Variants in TRAPPC9 observed in about 807,000 individuals in gnomAD.
The protein encoded by TRAPPC9 is trafficking protein particle complex subunit 9, also known as IKK2 binding protein.
In TRAPPC9, 83 loss-of-function variants were observed where a neutral mutation model predicts 124.0. The ratio of observed to expected loss-of-function variants is 0.67; its 90% confidence interval spans 0.56 to 0.80. The LOEUF (loss-of-function observed/expected upper bound fraction) is 0.80. TRAPPC9 is among the 30% of genes least tolerant of loss of function. The pLI is 0.00. For missense variants in TRAPPC9, 1,302 were observed against 1,508.3 expected, an observed-to-expected ratio of 0.86 and a Z score of 2.27; for synonymous variants, 638 against 617.5, an observed-to-expected ratio of 1.03 and a Z score of -0.49.
chr8:140,180,705 G>C (rs1192819838), intron 17 of TRAPPC9, among the ~76,000 whole-genome samples: 1 of 144,520 alleles, frequency 6.9e-6, no homozygotes, highest in Admixed American at 6.9e-5. Context: ...TTTACCAAGT[G>C]AAAGATCAAA....
chr8:140,293,416 G>T (rs576938465), intron 11 of TRAPPC9, among the ~76,000 whole-genome samples: 2 of 152,080 alleles, frequency 1.3e-5, no homozygotes, highest in Admixed American at 1.3e-4. Flanking sequence ...ACATGCACAC[G>T]TATGTTTATT....
chr8:139,975,927 CTTTTTT>C (rs528679775), intron 19 of TRAPPC9, among the ~76,000 whole-genome samples: 11 of 95,566 alleles, frequency 1.2e-4, no homozygotes, highest in Admixed American at 6.6e-4. Flanking sequence ...AAAGGACAGT[CTTTTTT>C]TTTTTTTTTT....
chr8:139,916,188 G>A (rs1325905941), intron 19 of TRAPPC9, among the ~76,000 whole-genome samples: 1 of 152,144 alleles, frequency 6.6e-6, no homozygotes, highest in Non-Finnish European at 1.5e-5. Context: ...AGTCACCTTC[G>A]CTCACAATTT....
intron 19 of TRAPPC9, chr8:139,932,205 C>T (rs1833191866): frequency 2.4e-6 from 1 of 410,264 alleles, no homozygotes; most frequent in South Asian, 1.8e-5. Flanking sequence ...GCCAGGCAGG[C>T]CCCGCAGGCA....
Position 139,910,142 on chromosome 8 carries a change from G to A in TRAPPC9, c.2964+5C>T. ...CAGGCCCAGGTGGCCCCTGGAAAAG[G>A]ATATGATTCTCCAGCAGATGCCCAG... On this transcript the variant is annotated splice_donor_5th_base_variant and intron_variant, in intron 20 of 22. Transcript: ENST00000438773. 1 of 1,613,822 alleles carries A rather than the reference G, an allele frequency of 6.2e-7. No individual in the cohort carries two copies. Among genetic ancestry groups the A allele is most frequent in the Non-Finnish European group, 8.5e-7 (1 of 1,179,968 alleles).
intron 9 of TRAPPC9, among the ~76,000 whole-genome samples, chr8:140,323,298 C>T (rs1475519919): frequency 6.6e-6 from 1 of 152,154 alleles, no homozygotes; most frequent in Non-Finnish European, 1.5e-5. Context: ...TTGTAATATC[C>T]TTTACAATAA....
At chr8:140,116,633 T>C (rs1446682699) in intron 17 of TRAPPC9, among the ~76,000 whole-genome samples, 1 of 152,222 alleles carries the variant, frequency 6.6e-6, no homozygotes, top group Admixed American at 6.5e-5. Flanking sequence ...TGATTCATGA[T>C]GCTATTGTGT....
At chr8:139,876,679 G>GATCA (rs769348882) in intron 21 of TRAPPC9, among the ~76,000 whole-genome samples, 14 of 152,084 alleles carry the variant, frequency 9.2e-5, no homozygotes, top group East Asian at 1.9e-4. Flanking sequence ...TGAATGGATG[G>GATCA]ATCAATCAAT....
chr8:140,031,056 C>T (rs2131965633), intron 17 of TRAPPC9, among the ~76,000 whole-genome samples: 1 of 152,324 alleles, frequency 6.6e-6, no homozygotes. Context: ...CATTAATAGA[C>T]ATACAATCAC....
chr8:139,751,935 C>A (rs1048051781), intron 21 of TRAPPC9, among the ~76,000 whole-genome samples: 2 of 151,150 alleles, frequency 1.3e-5, no homozygotes, highest in Non-Finnish European at 3.0e-5. Context: ...TATCCACCAT[C>A]TACCCACCAT....
At chr8:140,365,088 T>C (rs1006323820) in intron 8 of TRAPPC9, among the ~76,000 whole-genome samples, 1 of 151,636 alleles carries the variant, frequency 6.6e-6, no homozygotes, top group South Asian at 2.1e-4. Flanking sequence ...GGGGATGCTA[T>C]GGGAAGCATA....
At chr8:140,266,679 C>A (rs10088917) in intron 15 of TRAPPC9, among the ~76,000 whole-genome samples, 94,461 of 151,420 alleles carry the variant, frequency 0.62, 29,855 homozygotes, top group East Asian at 0.75. Flanking sequence ...TAACATGGTG[C>A]AAACCCATCT....
chr8:139,934,115 G>T (rs968873062), intron 19 of TRAPPC9, among the ~76,000 whole-genome samples: 9 of 152,102 alleles, frequency 5.9e-5, no homozygotes, highest in Non-Finnish European at 1.2e-4. Context: ...TGTAAAACAG[G>T]TTAAGCTATG....
chr8:139,757,803 C>T (rs1349853244), intron 21 of TRAPPC9, among the ~76,000 whole-genome samples: 1 of 152,116 alleles, frequency 6.6e-6, no homozygotes, highest in Non-Finnish European at 1.5e-5. Flanking sequence ...AGTTCTCACG[C>T]TTAGTAGGCA....
chr8:140,183,943 AGAGGAGAGGGGAGGGGAGGGAG>A (rs2062282014), intron 17 of TRAPPC9, among the ~76,000 whole-genome samples: 1 of 23,262 alleles, frequency 4.3e-5, no homozygotes, highest in Non-Finnish European at 7.9e-5. Flanking sequence ...AGAGGAGAGG[AGAGGAGAGGGGAGGGGAGGGAG>A]GAGGGAGGAG....
intron 18 of TRAPPC9, among the ~76,000 whole-genome samples, chr8:140,020,744 T>A (rs74390476): frequency 1.3e-5 from 2 of 152,260 alleles, no homozygotes; most frequent in Non-Finnish European, 2.9e-5. Flanking sequence ...TACTGAGAGA[T>A]AAATGTTGAC....
intron 21 of TRAPPC9, among the ~76,000 whole-genome samples, chr8:139,807,670 C>T (rs1824163617): frequency 6.6e-6 from 1 of 152,144 alleles, no homozygotes; most frequent in Admixed American, 6.5e-5. Flanking sequence ...CGGTACCAAG[C>T]AGGGGTTCTG....
At position 139,885,944 on chromosome 8, in the gene TRAPPC9, G is replaced by A. The variant is rs372226318; in HGVS notation, c.2990C>T (p.Ala997Val). The stretch of plus-strand genomic sequence containing the variant: ...CTGGTTCAGGAGTCCTTCCACACTC[G>A]CCTCGCCACTGCGCTTCAGGGAGGG... The part of the protein sequence containing the change: ...RIPSLKRSGE[A>V]SVEGLLNQLV... Residue 997 changes from alanine (A) to valine (V), a missense_variant, in exon 21 of 23, where the codon GCG (alanine) becomes GTG (valine). By Grantham distance (64) the Ala-to-Val change is moderately conservative. Around this residue, in one of 3 missense-constraint regions of TRAPPC9, gnomAD observed 640 missense variants for 679.3 expected, o/e 0.94. Transcript: ENST00000438773. 3.8e-5 allele frequency: 59 copies of A among 1,571,360 alleles called. No individual in the cohort carries two copies. The Middle Eastern group carries it at 5.0e-4, about 13-fold the overall frequency.
chr8:139,925,846 C>CACACACACAT (rs1554673865), intron 19 of TRAPPC9, among the ~76,000 whole-genome samples: 1 of 150,184 alleles, frequency 6.7e-6, no homozygotes, highest in African/African-American at 2.5e-5. Flanking sequence ...CACACACACA[C>CACACACACAT]GTTTCAGATT....
Sources: allele counts gnomAD v4.1 joint callset (sites outside exome capture counted in the v4.1 genomes callset), GRCh38; gene constraint gnomAD v4.1.1; regional missense constraint gnomAD v4.1.1; transcripts MANE v1.5; gene names NCBI Gene and HGNC (gene_info 2026-07-23, HGNC 2026-07-21).